Variants in PALLD observed in about 807,000 individuals in gnomAD.
PALLD encodes palladin, cytoskeletal associated protein, also known as palladin.
PALLD carries 61 observed loss-of-function variants against 123.5 expected under a neutral mutation model. The observed-to-expected ratio is 0.49, with a 90% CI of 0.40 to 0.61. The LOEUF (loss-of-function observed/expected upper bound fraction) is 0.61. PALLD is among the 20% of genes least tolerant of loss of function. The pLI, the probability that PALLD is intolerant of heterozygous loss-of-function variation, is 0.00. For synonymous variants in PALLD, 465 were observed against 496.4 expected, an observed-to-expected ratio of 0.94 and a Z score of 0.84; for missense variants, 1,273 against 1,377.0, an observed-to-expected ratio of 0.92 and a Z score of 1.20.
chr4:168,796,120 G>A (rs1030760252), intron 10 of PALLD, among the ~76,000 whole-genome samples: 5 of 152,016 alleles, frequency 3.3e-5, no homozygotes, highest in South Asian at 4.1e-4. Context: ...TCACCCTTTT[G>A]TGCAGTCAAA....
chr4:168,640,462 C>G (rs1268373290), intron 2 of PALLD, among the ~76,000 whole-genome samples: 1 of 152,182 alleles, frequency 6.6e-6, no homozygotes, highest in African/African-American at 2.4e-5. Flanking sequence ...TTGGATAAAG[C>G]CAGTAGTCCA....
intron 10 of PALLD, among the ~76,000 whole-genome samples, chr4:168,882,237 A>G (rs1752707101): frequency 6.6e-6 from 1 of 152,200 alleles, no homozygotes; most frequent in Admixed American, 6.5e-5. Flanking sequence ...CCCTCATAGG[A>G]AACGGGTAGG....
intron 1 of PALLD, among the ~76,000 whole-genome samples, chr4:168,500,307 C>G (rs191738152): frequency 6.6e-6 from 1 of 152,274 alleles, no homozygotes; most frequent in African/African-American, 2.4e-5. Flanking sequence ...GTTGTAATTT[C>G]AACAGTCAAT....
At position 168,690,661 on chromosome 4, in the gene PALLD, G is replaced by A. The variant is rs115372194; in HGVS notation, c.1394G>A (p.Arg465His). 3,295 of 1,614,104 alleles carry A rather than the reference G, an allele frequency of 2.0e-3. 3 individuals are homozygous for A. The highest frequency in any genetic ancestry group is 2.5e-3 in the Non-Finnish European group (2,963 of 1,179,952). Residue 465 changes from arginine (R) to histidine (H), a missense_variant, in exon 7 of 22, where the codon CGT becomes CAT. Transcript: ENST00000505667. ...GTGGTGGTTCTGGAGTGCCGGGTCC[G>A]TGGGGCACCCCCTCTGCAGGTCCAG... is the stretch of plus-strand genomic sequence containing the variant. ...GQVVVLECRV[R>H]GAPPLQVQWF...
At chr4:168,529,029 A>G (rs138888586) in intron 2 of PALLD, among the ~76,000 whole-genome samples, 42 of 152,326 alleles carry the variant, frequency 2.8e-4, no homozygotes, top group Non-Finnish European at 5.3e-4. Flanking sequence ...AGCACCTAAC[A>G]TAAGAACTAG....
intron 2 of PALLD, among the ~76,000 whole-genome samples, chr4:168,512,866 A>G (rs577263726): frequency 7.2e-5 from 11 of 152,246 alleles, no homozygotes; most frequent in African/African-American, 2.4e-4. Flanking sequence ...TTAGCCCCCA[A>G]TAACGCATTA....
chr4:168,639,361 C>T (rs1389410099), intron 2 of PALLD, among the ~76,000 whole-genome samples: 4 of 152,166 alleles, frequency 2.6e-5, no homozygotes, highest in Non-Finnish European at 5.9e-5. Context: ...ATAGTTTAAA[C>T]TGGGCATGTT....
intron 10 of PALLD, among the ~76,000 whole-genome samples, chr4:168,889,034 T>G (rs1316815723): frequency 1.3e-5 from 2 of 152,168 alleles, no homozygotes; most frequent in African/African-American, 4.8e-5. Flanking sequence ...AGTGTTTAGG[T>G]ACATTCTTAG....
chr4:168,654,413 A>G (rs1257283386), intron 2 of PALLD, among the ~76,000 whole-genome samples: 1 of 152,190 alleles, frequency 6.6e-6, no homozygotes, highest in Non-Finnish European at 1.5e-5. Flanking sequence ...AAAATGATGG[A>G]CTGTAGCCAG....
chr4:168,926,081 T>G, intron 21 of PALLD, 132 bp from the exon 22 acceptor site: 1 of 694,394 alleles, frequency 1.4e-6, no homozygotes, highest in East Asian at 2.8e-5. Context: ...GTTCCTAAAT[T>G]TTCCATGTTT....
At chr4:168,515,500 GC>G (rs1369246213) in intron 2 of PALLD, among the ~76,000 whole-genome samples, 1 of 152,182 alleles carries the variant, frequency 6.6e-6, no homozygotes, top group Non-Finnish European at 1.5e-5. Context: ...ATAAGCAGAA[GC>G]CCAAGAGACA....
intron 10 of PALLD, among the ~76,000 whole-genome samples, chr4:168,852,916 G>A (rs1211668075): frequency 6.6e-6 from 1 of 152,142 alleles, no homozygotes; most frequent in Non-Finnish European, 1.5e-5. Flanking sequence ...ACTTTGCACT[G>A]GAATTGCCCT....
chr4:168,902,845 C>A (rs1294253346), intron 14 of PALLD, among the ~76,000 whole-genome samples: 2 of 152,160 alleles, frequency 1.3e-5, no homozygotes, highest in African/African-American at 4.8e-5. Context: ...GATCATGGCT[C>A]ACTACAGCCT....
chr4:168,814,442 G>A (rs1741617571), intron 10 of PALLD, among the ~76,000 whole-genome samples: 1 of 152,204 alleles, frequency 6.6e-6, no homozygotes, highest in Admixed American at 6.5e-5. Context: ...ACTGCCTTAA[G>A]CAACTGTATA....
intron 8 of PALLD, among the ~76,000 whole-genome samples, chr4:168,705,764 G>A (rs7660387): frequency 0.087 from 13,214 of 152,054 alleles, 1,170 homozygotes; most frequent in East Asian, 0.3. Context: ...AGCCTCTCAA[G>A]TAGCTGGGAT....
chr4:168,579,712 T>G (rs1770034481), intron 2 of PALLD, among the ~76,000 whole-genome samples: 1 of 152,118 alleles, frequency 6.6e-6, no homozygotes, highest in African/African-American at 2.4e-5. Context: ...TTAAAATAAG[T>G]TCTTATCTGA....
chr4:168,748,982 T>TA (rs1163312639), intron 10 of PALLD, among the ~76,000 whole-genome samples: 1 of 152,182 alleles, frequency 6.6e-6, no homozygotes, highest in Non-Finnish European at 1.5e-5. Context: ...AGAGTTTAGA[T>TA]ATATGTCCCT....
At chr4:168,534,029 T>C (rs1176672078) in intron 2 of PALLD, among the ~76,000 whole-genome samples, 2 of 152,208 alleles carry the variant, frequency 1.3e-5, no homozygotes, top group African/African-American at 4.8e-5. Context: ...GTTCATCAGG[T>C]TGTTCTCATA....
chr4:168,879,975 A>G (rs1413808514), intron 10 of PALLD, among the ~76,000 whole-genome samples: 1 of 152,220 alleles, frequency 6.6e-6, no homozygotes, highest in East Asian at 1.9e-4. Context: ...ACACTTTTTC[A>G]TCCTCTCTCA....
Sources: gnomAD v4.1 joint callset for allele counts (sites outside exome capture counted in the v4.1 genomes callset) on GRCh38, gnomAD v4.1.1 for gene constraint, MANE v1.5 for transcripts, NCBI Gene and HGNC (gene_info 2026-07-23, HGNC 2026-07-21) for gene names.